The following AJM1 variants were observed in gnomAD, a reference collection of about 807,000 sequenced individuals.
AJM1 encodes uncharacterized protein C9orf172.
AJM1 carries 22 observed loss-of-function variants against 43.0 expected under a neutral mutation model. The observed-to-expected ratio is 0.51, with a 90% CI of 0.37 to 0.73. The LOEUF (loss-of-function observed/expected upper bound fraction) is 0.73, where lower values mean the gene tolerates loss of function less well. AJM1 is among the 30% of genes least tolerant of loss of function. The probability of loss-of-function intolerance (pLI) is 0.00; values close to 1 mark genes in which losing one functional copy is unlikely to be tolerated. For synonymous variants in AJM1, 719 were observed against 638.3 expected, an observed-to-expected ratio of 1.13 and a Z score of -1.91; for missense variants, 1,305 against 1,343.3, an observed-to-expected ratio of 0.97 and a Z score of 0.45.
rs1197708169 is a variant in AJM1 at position 136,847,151 on chromosome 9, C to T, written c.2737C>T (p.Leu913=). The part of the protein sequence containing the change: ...QRELRLRGVF[L]RHEFPRVYEQ... ...CGAGCTGCGGCTGCGCGGCGTCTTC[C>T]TGCGCCACGAGTTCCCGCGCGTCTA... The change falls in exon 3 of 3, where the codon CTG becomes TTG. Residue 913 remains leucine, a synonymous_variant. Coordinates refer to ENST00000436881, the MANE Select transcript of AJM1 (RefSeq NM_001080482.5). 1.9e-6 allele frequency: 3 copies of T among 1,599,742 alleles called. No individual in the cohort carries two copies. Among genetic ancestry groups the T allele is most frequent in the Non-Finnish European group, 2.5e-6 (3 of 1,178,338 alleles).
In AJM1 at chr9:136,848,598, C is replaced by G. The variant is rs1848813625; in HGVS notation, c.*1253C>G. 1 of 152,556 alleles carries G rather than the reference C, an allele frequency of 6.6e-6. No individual in the cohort carries two copies. The highest frequency in any genetic ancestry group is 2.4e-5 in the African/African-American group (1 of 41,452). The allele number at this position is 152,556 out of a possible 1,614,324, so 9.5% of individuals were successfully genotyped here. ...GCACCCCCGCCTCCGCTCCTGCTTT[C>G]GCACCCGGCACGCCCATCTCGTCCC... On this transcript the variant is annotated 3_prime_UTR_variant, in exon 3 of 3. Transcript: ENST00000436881.
In AJM1 at chr9:136,844,785, C is replaced by T. The variant is rs1168668356; in HGVS notation, c.371C>T (p.Ala124Val). 10 of 288,766 alleles carry T rather than the reference C, an allele frequency of 3.5e-5. No individual in the cohort carries two copies. In the East Asian group the frequency reaches 1.4e-3, roughly 41 times the overall value. The allele number at this position is 288,766 out of a possible 1,614,324, so 17.9% of individuals were successfully genotyped here. ...PRRGREAQRA[A>V]RAEASPRREP... Reference sequence around the variant, plus strand: ...CGAGGGCGGGAGGCCCAGCGTGCGGCGCGGGCCGAGGCATCGCCGCGCCGG... The same window carrying T: ...CGAGGGCGGGAGGCCCAGCGTGCGGTGCGGGCCGAGGCATCGCCGCGCCGG... Residue 124 changes from alanine to valine, a missense_variant, in exon 3 of 3, where the codon GCG becomes GTG. Physicochemically the swap from Ala to Val is moderately conservative, Grantham distance 64 (BLOSUM62 0). Around this residue, in one of 6 missense-constraint regions of AJM1, gnomAD observed 653 missense variants for 549.1 expected, o/e 1.19. Coordinates refer to ENST00000436881, the MANE Select transcript of AJM1 (RefSeq NM_001080482.5).
rs1848801476 is a variant in AJM1 at position 136,847,753 on chromosome 9, G to C, written c.*408G>C. ...GCCTTCACTCGGAGGGGTCACTACT[G>C]CACAGACCCCACCCGTAGAGATCCG... is the stretch of plus-strand genomic sequence containing the variant. On this transcript the variant is annotated 3_prime_UTR_variant, in exon 3 of 3. Coordinates refer to ENST00000436881, the MANE Select transcript of AJM1 (RefSeq NM_001080482.5). The C allele has an allele frequency of 5.5e-6, 1 of 181,334 alleles. No homozygotes were observed. The highest frequency in any genetic ancestry group is 2.4e-5 in the African/African-American group (1 of 42,502). The allele number at this position is 181,334 out of a possible 1,614,324, so 11.2% of individuals were successfully genotyped here.
In AJM1 at chr9:136,845,662, G is replaced by A. The variant is rs756515568; in HGVS notation, c.1248G>A (p.Pro416=). The A allele has an allele frequency of 1.3e-6, 2 of 1,576,280 alleles. No individual in the cohort carries two copies. The highest frequency in any genetic ancestry group is 8.6e-7 in the Non-Finnish European group (1 of 1,168,848). The change falls in exon 3 of 3, where the codon CCG becomes CCA. Residue 416 remains proline, a synonymous_variant. Transcript: ENST00000436881. ...PRPYRTLQVV[P]PSDPDPLLAS... Reference sequence around the variant, plus strand: ...CGTACCGCACCCTGCAAGTGGTGCCGCCCTCTGACCCCGACCCGTTGCTCG... The same window carrying A: ...CGTACCGCACCCTGCAAGTGGTGCCACCCTCTGACCCCGACCCGTTGCTCG...
chr9:136,843,027 G>C (rs1314430309), intron 1 of AJM1, among the ~76,000 whole-genome samples: 6 of 147,806 alleles, frequency 4.1e-5, no homozygotes, highest in Non-Finnish European at 1.5e-5. Context: ...GGCGGGGGAG[G>C]CTGGGATGGG....
chr9:136,847,080 A>G lies in AJM1; in HGVS notation c.2666A>G (p.Glu889Gly). ...PGTAGLDQDG[E>G]AGRRAREVAF... ...ACGGCGGGCCTGGATCAGGACGGCG[A>G]GGCGGGCCGGCGCGCGCGCGAGGTG... The change falls in exon 3 of 3, where the codon GAG becomes GGG. Residue 889 changes from glutamate to glycine, a missense_variant. By Grantham distance (98) the Glu-to-Gly change is moderately conservative. This residue lies in a region of AJM1 where 391 missense variants were observed against 507.5 expected (regional missense o/e 0.77). Transcript: ENST00000436881. 6.8e-7 allele frequency: 1 copy of G among 1,468,660 alleles called. No homozygotes were observed. Among genetic ancestry groups the G allele is most frequent in the Non-Finnish European group, 9.1e-7 (1 of 1,097,094 alleles). 91.0% of individuals were successfully genotyped at this position (1,468,660 alleles called of 1,614,324 possible). A position where few individuals can be genotyped will look rare whatever the true frequency, so the allele number is the denominator to read the frequency against.
At position 136,847,447 on chromosome 9, in the gene AJM1, G is replaced by A; in HGVS notation, c.*102G>A. The A allele has an allele frequency of 4.2e-6, 4 of 943,916 alleles. No homozygotes were observed. Among genetic ancestry groups the A allele is most frequent in the Middle Eastern group, 3.5e-4 (1 of 2,878 alleles). 58.5% of individuals were successfully genotyped at this position (943,916 alleles called of 1,614,324 possible). On this transcript the variant is annotated 3_prime_UTR_variant, in exon 3 of 3. Transcript: ENST00000436881. ...CCAGGGCCGCCCCCGAGCCCCGCCAGGGCCCCACCCCGACTTCTTCTAGGC... is the reference window on the plus strand; with the variant it reads ...CCAGGGCCGCCCCCGAGCCCCGCCAAGGCCCCACCCCGACTTCTTCTAGGC...
Position 136,845,500 on chromosome 9 carries a change from C to G in AJM1, c.1086C>G (p.Pro362=), listed in dbSNP as rs761664074. Residue 362 remains proline (P), a synonymous_variant, in exon 3 of 3, where the codon CCC becomes CCG. Transcript: ENST00000436881. ...YGLPYGPRYV[P]EEPRAHSTAR... ...TGCCCTACGGGCCCCGCTATGTCCC[C>G]GAGGAGCCCCGGGCCCACTCCACCG... is the stretch of plus-strand genomic sequence containing the variant. 29 of 1,602,054 alleles carry G rather than the reference C, an allele frequency of 1.8e-5. No individual in the cohort carries two copies. Among genetic ancestry groups the G allele is most frequent in the Non-Finnish European group, 2.4e-5 (28 of 1,175,358 alleles).
At chr9:136,842,687 G>C (rs1351581608) in intron 1 of AJM1, among the ~76,000 whole-genome samples, 98 bp downstream of exon 1, 1 of 152,178 alleles carries the variant, frequency 6.6e-6, no homozygotes, top group Admixed American at 6.5e-5. Context: ...CCGCCCCCAG[G>C]CAACACCGGC....
rs956401505 is a variant in AJM1, at chr9:136,847,057, G to C, written c.2643G>C (p.Thr881=). 8 of 1,400,998 alleles carry C rather than the reference G, an allele frequency of 5.7e-6. No homozygotes were observed. The highest frequency in any genetic ancestry group is 7.6e-6 in the Non-Finnish European group (8 of 1,050,440). The allele number at this position is 1,400,998 out of a possible 1,614,324, so 86.8% of individuals were successfully genotyped here. Residue 881 remains threonine, a synonymous_variant, in exon 3 of 3, where the codon ACG becomes ACC. Coordinates refer to ENST00000436881, the MANE Select transcript of AJM1 (RefSeq NM_001080482.5). The part of the protein sequence containing the change: ...ETLILTPPPG[T]AGLDQDGEAG... ...TGATCCTGACGCCACCGCCGGGCAC[G>C]GCGGGCCTGGATCAGGACGGCGAGG...
At position 136,846,349 on chromosome 9, in the gene AJM1, G is replaced by A. The variant is rs1286295941; in HGVS notation, c.1935G>A (p.Pro645=). ...GCAGCGCCGAGGAGCCCGCGGCCCCGGGAGAGGCGGCCGACGCGTCCCCCG... is the reference window on the plus strand; with the variant it reads ...GCAGCGCCGAGGAGCCCGCGGCCCCAGGAGAGGCGGCCGACGCGTCCCCCG... ...SAGSAEEPAA[P]GEAADASPEP... The change falls in exon 3 of 3, where the codon CCG becomes CCA. Residue 645 remains proline, a synonymous_variant. Coordinates refer to ENST00000436881, the MANE Select transcript of AJM1 (RefSeq NM_001080482.5). 2.2e-6 allele frequency: 3 copies of A among 1,380,924 alleles called. No individual in the cohort carries two copies. The highest frequency in any genetic ancestry group is 1.5e-5 in the African/African-American group (1 of 66,196). The allele number at this position is 1,380,924 out of a possible 1,614,324, so 85.5% of individuals were successfully genotyped here.
Position 136,846,956 on chromosome 9 carries a change from G to A in AJM1, c.2542G>A (p.Ala848Thr). The A allele has an allele frequency of 7.5e-7, 1 of 1,339,756 alleles. No homozygotes were observed. Among genetic ancestry groups the A allele is most frequent in the Non-Finnish European group, 9.8e-7 (1 of 1,024,650 alleles). The allele number at this position is 1,339,756 out of a possible 1,614,324, so 83.0% of individuals were successfully genotyped here. A position where few individuals can be genotyped will look rare whatever the true frequency, so the allele number is the denominator to read the frequency against. Residue 848 changes from alanine (A) to threonine (T), a missense_variant, in exon 3 of 3, where the codon GCC becomes ACC. Physicochemically the swap from Ala to Thr is moderately conservative, Grantham distance 58 (BLOSUM62 0). Coordinates refer to ENST00000436881, the MANE Select transcript of AJM1 (RefSeq NM_001080482.5). ...CCACGGGCCAACAGTGCGCAAGTTCGCCAAGGTAGCGCTGGCGGCCGGCAG... is the reference window on the plus strand; with the variant it reads ...CCACGGGCCAACAGTGCGCAAGTTCACCAAGGTAGCGCTGGCGGCCGGCAG... ...RSHGPTVRKF[A>T]KVALAAGSPA...
In AJM1 at chr9:136,847,038, T is replaced by A. The variant is rs1397423021; in HGVS notation, c.2624T>A (p.Leu875Gln). The A allele has an allele frequency of 1.5e-6, 2 of 1,348,218 alleles. No individual in the cohort carries two copies. The highest frequency in any genetic ancestry group is 2.0e-6 in the Non-Finnish European group (2 of 1,009,426). The allele number at this position is 1,348,218 out of a possible 1,614,324, so 83.5% of individuals were successfully genotyped here. Reference protein sequence around the residue: ...SREPDMETLILTPPPGTAGLD... With the variant: ...SREPDMETLIQTPPPGTAGLD... ...GAGCCCGACATGGAGACGCTGATCC[T>A]GACGCCACCGCCGGGCACGGCGGGC... The change falls in exon 3 of 3, where the codon CTG becomes CAG. Residue 875 changes from leucine (L) to glutamine (Q), a missense_variant. Physicochemically the swap from Leu to Gln is moderately radical, Grantham distance 113. Coordinates refer to ENST00000436881, the MANE Select transcript of AJM1 (RefSeq NM_001080482.5).
chr9:136,845,927 G>A lies in AJM1; in HGVS notation c.1513G>A (p.Ala505Thr), dbSNP rs1187373666. 2.6e-6 allele frequency: 4 copies of A among 1,555,532 alleles called. No homozygotes were observed. The highest frequency in any genetic ancestry group is 3.5e-6 in the Non-Finnish European group (4 of 1,150,934). ...GTCCACCTCTCCCAGACGCTACGCC[G>A]CACTGTCCCTGTCCGAGACGTCGCT... ...NLSTSPRRYA[A>T]LSLSETSLTE... Residue 505 changes from alanine to threonine, a missense_variant, in exon 3 of 3, where the codon GCA becomes ACA. By Grantham distance (58) the Ala-to-Thr change is moderately conservative. Coordinates refer to ENST00000436881, the MANE Select transcript of AJM1 (RefSeq NM_001080482.5).
chr9:136,846,391 GGAC>G lies in AJM1; in HGVS notation c.1981_1983del (p.Asp661del), dbSNP rs1848775465. 1 of 1,541,376 alleles carries G rather than the reference GGAC, an allele frequency of 6.5e-7. No individual in the cohort carries two copies. Among genetic ancestry groups the G allele is most frequent in the African/African-American group, 1.4e-5 (1 of 70,640 alleles). ...CGTCCCCCGAACCCAGCGCCGACGA[GGAC>G]GACCTGATGACCTGCTCCAATGCGC... On this transcript the variant is annotated inframe_deletion, in exon 3 of 3. Coordinates refer to ENST00000436881, the MANE Select transcript of AJM1 (RefSeq NM_001080482.5).
At position 136,844,364 on chromosome 9, in the gene AJM1, C is replaced by A; in HGVS notation, c.-51C>A. The A allele has an allele frequency of 2.7e-6, 4 of 1,489,224 alleles. No individual in the cohort carries two copies. The highest frequency in any genetic ancestry group is 4.5e-4 in the Middle Eastern group (2 of 4,406). 92.3% of individuals were successfully genotyped at this position (1,489,224 alleles called of 1,614,324 possible). A position where few individuals can be genotyped will look rare whatever the true frequency, so the allele number is the denominator to read the frequency against. Reference sequence around the variant, plus strand: ...CCCGCGTCTCCCCCCAGGGCAAAAGCCCCGCAAGGCAGTGTGAGCTGGAGC... The same window carrying A: ...CCCGCGTCTCCCCCCAGGGCAAAAGACCCGCAAGGCAGTGTGAGCTGGAGC... On this transcript the variant is annotated 5_prime_UTR_variant, in exon 3 of 3. Transcript: ENST00000436881.
In AJM1 at chr9:136,845,596, C is replaced by A. The variant is rs1169584472; in HGVS notation, c.1182C>A (p.His394Gln). The part of the protein sequence containing the change: ...ERDVLARTYP[H>Q]PRSSPAWADW... ...ACGTCCTGGCTCGGACGTACCCGCA[C>A]CCGCGCAGCAGCCCGGCCTGGGCGG... Residue 394 changes from histidine (H) to glutamine (Q), a missense_variant, in exon 3 of 3, where the codon CAC becomes CAA. By Grantham distance (24) the His-to-Gln change is conservative (BLOSUM62 0). Transcript: ENST00000436881. The A allele has an allele frequency of 1.3e-6, 2 of 1,585,776 alleles. No individual in the cohort carries two copies. The highest frequency in any genetic ancestry group is 2.3e-5 in the East Asian group (1 of 43,688).
chr9:136,847,408 C>G lies in AJM1; in HGVS notation c.*63C>G. The G allele has an allele frequency of 7.6e-7, 1 of 1,320,124 alleles. No individual in the cohort carries two copies. The highest frequency in any genetic ancestry group is 9.8e-7 in the Non-Finnish European group (1 of 1,015,708). 81.8% of individuals were successfully genotyped at this position (1,320,124 alleles called of 1,614,324 possible). A position where few individuals can be genotyped will look rare whatever the true frequency, so the allele number is the denominator to read the frequency against. ...CGAACCCTGCCCTGCCCACTCAGGC[C>G]CCGCCCGGCCCACCCAGGGCCGCCC... is the stretch of plus-strand genomic sequence containing the variant. On this transcript the variant is annotated 3_prime_UTR_variant, in exon 3 of 3. Transcript: ENST00000436881.
chr9:136,844,083 C>T (rs1450043936), intron 1 of AJM1, among the ~76,000 whole-genome samples, 113 bp from the exon 2 acceptor site: 3 of 152,196 alleles, frequency 2.0e-5, no homozygotes, highest in African/African-American at 7.2e-5. Context: ...CGGGAGCTCC[C>T]GCCGCGGGAA....
Sources: gnomAD v4.1 joint callset for allele counts (sites outside exome capture counted in the v4.1 genomes callset) on GRCh38, gnomAD v4.1.1 for gene constraint, gnomAD v4.1.1 regional missense constraint, MANE v1.5 for transcripts, NCBI Gene and HGNC (gene_info 2026-07-23, HGNC 2026-07-21) for gene names.